Variants in TYW1 observed in about 807,000 individuals in gnomAD.
The protein encoded by TYW1 is S-adenosyl-L-methionine-dependent tRNA 4-demethylwyosine synthase TYW1.
A neutral mutation model predicts 96.2 loss-of-function variants in TYW1; 46 were observed. The ratio of observed to expected loss-of-function variants is 0.48; its 90% CI spans 0.38 to 0.61. TYW1 has a LOEUF of 0.61. TYW1 is among the 20% of genes least tolerant of loss of function. TYW1 has a pLI of 0.00. For missense variants in TYW1, 684 were observed against 909.6 expected (o/e 0.75, Z 3.19); for synonymous variants, 274 against 323.0 (o/e 0.85, Z 1.63).
At chr7:67,009,209 C>T (rs887384974) in intron 3 of TYW1, among the ~76,000 whole-genome samples, 1 of 152,066 alleles carries the variant, frequency 6.6e-6, no homozygotes, top group African/African-American at 2.4e-5. Flanking sequence ...TGAGGTCTCA[C>T]TTTGTTGTCC....
chr7:67,091,634 A>G (rs1393334653), intron 11 of TYW1, among the ~76,000 whole-genome samples: 1 of 152,204 alleles, frequency 6.6e-6, no homozygotes, highest in Non-Finnish European at 1.5e-5. Flanking sequence ...GCAAGAAGAC[A>G]TGAAGTGGAG....
chr7:67,118,882 A>G (rs995086450), intron 13 of TYW1, among the ~76,000 whole-genome samples: 1 of 78,136 alleles, frequency 1.3e-5, no homozygotes, highest in Admixed American at 1.1e-4. Context: ...CTATCTGAAA[A>G]AAAAAAAAAA....
intron 9 of TYW1, among the ~76,000 whole-genome samples, chr7:67,057,690 C>T (rs1361128195): frequency 4.0e-5 from 6 of 151,868 alleles, no homozygotes; most frequent in Non-Finnish European, 7.4e-5. Context: ...TTGTGTTGTG[C>T]GTATTGGCTG....
At chr7:67,146,767 A>G (rs1340726082) in intron 13 of TYW1, among the ~76,000 whole-genome samples, 4 of 152,228 alleles carry the variant, frequency 2.6e-5, no homozygotes, top group Non-Finnish European at 5.9e-5. Context: ...CTTTTCTTCT[A>G]ATGTCACAGA....
chr7:67,136,247 C>A (rs1798250747), intron 13 of TYW1, among the ~76,000 whole-genome samples: 1 of 152,190 alleles, frequency 6.6e-6, no homozygotes, highest in Admixed American at 6.5e-5. Context: ...GTTTCCAGAA[C>A]ACAGAAGTTA....
intron 13 of TYW1, among the ~76,000 whole-genome samples, chr7:67,176,259 T>G (rs564377402): frequency 6.6e-6 from 1 of 152,308 alleles, no homozygotes; most frequent in South Asian, 2.1e-4. Context: ...TGAGAGAAAT[T>G]TTAAAGGATC....
At chr7:67,200,364 T>C (rs1295202553) in intron 15 of TYW1, among the ~76,000 whole-genome samples, 1 of 152,070 alleles carries the variant, frequency 6.6e-6, no homozygotes, top group Admixed American at 6.5e-5. Context: ...GAAAAGAGGT[T>C]TAATGGACTC....
At chr7:67,202,209 T>C (rs902118316) in intron 15 of TYW1, among the ~76,000 whole-genome samples, 5 of 152,210 alleles carry the variant, frequency 3.3e-5, no homozygotes, top group African/African-American at 1.2e-4. Context: ...TGTATTCTTA[T>C]ACTAGTGTCT....
chr7:67,011,014 T>C (rs955279183), intron 4 of TYW1, among the ~76,000 whole-genome samples: 1 of 152,158 alleles, frequency 6.6e-6, no homozygotes, highest in Non-Finnish European at 1.5e-5. Flanking sequence ...AAATCTCTTA[T>C]TAGCTGTGTG....
At chr7:67,074,861 C>G (rs1317721772) in intron 10 of TYW1, among the ~76,000 whole-genome samples, 1 of 151,636 alleles carries the variant, frequency 6.6e-6, no homozygotes, top group Non-Finnish European at 1.5e-5. Flanking sequence ...GAGATGGAGT[C>G]TCGCTCTGTC....
intron 10 of TYW1, among the ~76,000 whole-genome samples, chr7:67,072,975 G>A (rs544369737): frequency 8.1e-5 from 10 of 123,610 alleles, no homozygotes; most frequent in African/African-American, 3.1e-4. Flanking sequence ...ATAGAGACAG[G>A]GTCTTGCTAT....
intron 15 of TYW1, among the ~76,000 whole-genome samples, chr7:67,236,296 C>G (rs941010681): frequency 6.6e-6 from 1 of 152,182 alleles, no homozygotes. Flanking sequence ...ATTCTGCTGT[C>G]GGCACAGTCT....
intron 15 of TYW1, among the ~76,000 whole-genome samples, chr7:67,201,442 G>C (rs1800596176): frequency 6.7e-6 from 1 of 149,182 alleles, no homozygotes; most frequent in African/African-American, 2.5e-5. Flanking sequence ...TGATGAATGA[G>C]AGTGGTGAGT....
intron 13 of TYW1, among the ~76,000 whole-genome samples, chr7:67,137,550 A>G (rs1028600201): frequency 1.3e-5 from 2 of 152,234 alleles, no homozygotes; most frequent in South Asian, 2.1e-4. Flanking sequence ...AAACAATTCC[A>G]TTGGGCAAAA....
chr7:67,007,771 A>T lies in TYW1; in HGVS notation c.274-1812A>T, dbSNP rs189749469. On this transcript the variant is annotated intron_variant, in intron 3 of 15. Coordinates refer to ENST00000359626, the MANE Select transcript of TYW1 (RefSeq NM_018264.4). ...TCCCTCAGCCTCCCAAGTAGCTGGGATTACAGGTGCCCACCACCACTCCTG... is the reference window on the plus strand; with the variant it reads ...TCCCTCAGCCTCCCAAGTAGCTGGGTTTACAGGTGCCCACCACCACTCCTG... Among the ~76,000 whole-genome samples the T allele has an allele frequency of 4.4e-4, 67 of 152,022 alleles. 1 individual carries two copies. Among genetic ancestry groups the T allele is most frequent in the African/African-American group, 1.5e-3 (63 of 41,456 alleles).
At chr7:67,092,963 G>A (rs55994185) in intron 11 of TYW1, among the ~76,000 whole-genome samples, 36,803 of 151,610 alleles carry the variant, frequency 0.24, 4,748 homozygotes, top group African/African-American at 0.32. Flanking sequence ...GATTACAGGC[G>A]TGAGCCACCA....
chr7:67,119,590 T>C (rs916629432), intron 13 of TYW1, among the ~76,000 whole-genome samples: 1 of 152,190 alleles, frequency 6.6e-6, no homozygotes, highest in African/African-American at 2.4e-5. Flanking sequence ...CTAGACCCAG[T>C]TTTGTGATTA....
chr7:67,093,945 A>G (rs1796803645), intron 11 of TYW1, among the ~76,000 whole-genome samples: 1 of 152,202 alleles, frequency 6.6e-6, no homozygotes, highest in Admixed American at 6.5e-5. Context: ...TTGCATACCC[A>G]TTACTCAAAT....
At chr7:67,009,981 T>C (rs1470147266) in intron 4 of TYW1, among the ~76,000 whole-genome samples, 1 of 140,628 alleles carries the variant, frequency 7.1e-6, no homozygotes, top group African/African-American at 2.5e-5. Context: ...TTCTTTTTTC[T>C]TTTCTTTTTT....
Sources: gnomAD v4.1 joint callset for allele counts (sites outside exome capture counted in the v4.1 genomes callset) on GRCh38, gnomAD v4.1.1 for gene constraint, MANE v1.5 for transcripts, NCBI Gene and HGNC (gene_info 2026-07-23, HGNC 2026-07-21) for gene names.